SH3GL2: variants seen among roughly 807,000 people sequenced by gnomAD.
SH3GL2 encodes the protein SH3 domain containing GRB2 like 2, endophilin A1.
SH3GL2 carries 24 observed loss-of-function variants against 46.0 expected under a neutral mutation model. The observed-to-expected ratio is 0.52, with a 90% CI of 0.38 to 0.73. The LOEUF (loss-of-function observed/expected upper bound fraction) is 0.73, where lower values mean the gene tolerates loss of function less well. Ranked by LOEUF, SH3GL2 falls within the 30% of genes least tolerant of loss-of-function variation. SH3GL2 has a pLI of 0.00. For missense variants in SH3GL2, 413 were observed against 424.2 expected (o/e 0.97, Z 0.23); for synonymous variants, 196 against 147.1 (o/e 1.33, Z -2.40).
At chr9:17,647,890 C>A (rs185746870) in intron 1 of SH3GL2, among the ~76,000 whole-genome samples, 118 of 152,250 alleles carry the variant, frequency 7.8e-4, no homozygotes, top group African/African-American at 2.7e-3. Context: ...ACCTCTGCCA[C>A]CCTTGAGACA....
At chr9:17,694,088 A>G (rs1164676523) in intron 1 of SH3GL2, among the ~76,000 whole-genome samples, 3 of 150,920 alleles carry the variant, frequency 2.0e-5, no homozygotes, top group Admixed American at 6.6e-5. Context: ...ATTCAGAAAG[A>G]AAAAATCCTG....
intron 1 of SH3GL2, among the ~76,000 whole-genome samples, chr9:17,743,805 G>A (rs867558626): frequency 1.3e-5 from 2 of 152,212 alleles, no homozygotes; most frequent in Non-Finnish European, 2.9e-5. Context: ...AAAGTGTGAT[G>A]TAGGCCCTTG....
intron 1 of SH3GL2, among the ~76,000 whole-genome samples, chr9:17,635,654 T>A (rs1819526442): frequency 6.6e-6 from 1 of 152,222 alleles, no homozygotes; most frequent in African/African-American, 2.4e-5. Context: ...CTGAAAGTCA[T>A]GTGCCTGCTG....
intron 2 of SH3GL2, among the ~76,000 whole-genome samples, chr9:17,749,634 A>G (rs548709274): frequency 4.6e-5 from 7 of 152,366 alleles, no homozygotes; most frequent in African/African-American, 1.7e-4. Context: ...AAGTGAGACA[A>G]GCTAACTTCC....
intron 1 of SH3GL2, among the ~76,000 whole-genome samples, chr9:17,739,008 T>C (rs2383045): frequency 0.95 from 144,233 of 152,202 alleles, 68,427 homozygotes; most frequent in East Asian, 0.99. Context: ...TGCAACTCAC[T>C]GTCACAGAAA....
chr9:17,579,207 T>C lies in SH3GL2; in HGVS notation c.-36T>C. On this transcript the variant is annotated 5_prime_UTR_variant, in exon 1 of 9. Transcript: ENST00000380607. ...CTCCAGTCCCCCTCCGCCTCCTCCCTCCCGCACAGCAGCCGCCAGCGCGGC... is the reference window on the plus strand; with the variant it reads ...CTCCAGTCCCCCTCCGCCTCCTCCCCCCCGCACAGCAGCCGCCAGCGCGGC... 6.6e-7 allele frequency: 1 copy of C among 1,509,062 alleles called. No homozygotes were observed. Among genetic ancestry groups the C allele is most frequent in the South Asian group, 1.2e-5 (1 of 82,030 alleles). The allele number at this position is 1,509,062 out of a possible 1,614,324, so 93.5% of individuals were successfully genotyped here.
chr9:17,609,898 C>A (rs1458015476), intron 1 of SH3GL2, among the ~76,000 whole-genome samples: 1 of 152,184 alleles, frequency 6.6e-6, no homozygotes, highest in Non-Finnish European at 1.5e-5. Context: ...CTCTCATAAT[C>A]ATTTTGCCAC....
At chr9:17,766,102 C>G (rs376210864) in intron 3 of SH3GL2, among the ~76,000 whole-genome samples, 18 of 152,208 alleles carry the variant, frequency 1.2e-4, no homozygotes, top group African/African-American at 3.6e-4. Flanking sequence ...GGCTTGTCCT[C>G]TGGAACCTCA....
At chr9:17,629,050 C>A (rs922323815) in intron 1 of SH3GL2, among the ~76,000 whole-genome samples, 2 of 151,364 alleles carry the variant, frequency 1.3e-5, no homozygotes, top group African/African-American at 4.9e-5. Context: ...CAAGATGTGG[C>A]CTTTGAAGAG....
At chr9:17,635,788 A>C (rs1819528750) in intron 1 of SH3GL2, among the ~76,000 whole-genome samples, 1 of 152,210 alleles carries the variant, frequency 6.6e-6, no homozygotes, top group South Asian at 2.1e-4. Context: ...GAGAAAAATG[A>C]GTGGACATCC....
rs534546006 is a variant in SH3GL2 at position 17,795,324 on chromosome 9, C to T, written c.860-220C>T. Among the ~76,000 whole-genome samples, 3 of 152,262 alleles carry T rather than the reference C, an allele frequency of 2.0e-5. No homozygotes were observed. The South Asian group carries it at 6.2e-4, about 32-fold the overall frequency. On this transcript the variant is annotated intron_variant, in intron 8 of 8. Transcript: ENST00000380607. ...CAGAAACAGGAATATGCAGCAACTT[C>T]CAAAGGTCCGAGAAAGCTTCTGAGG... is the stretch of plus-strand genomic sequence containing the variant.
intron 1 of SH3GL2, among the ~76,000 whole-genome samples, chr9:17,738,641 T>TATATATAGAGAGAGAGAGAGAGAGAGAG (rs376280314): frequency 3.4e-5 from 3 of 88,898 alleles, no homozygotes; most frequent in Admixed American, 2.5e-4. Context: ...TATATATATA[T>TATATATAGAGAGAGAGAGAGAGAGAGAG]AGAGAGAGAG....
At chr9:17,687,780 A>G (rs1426974492) in intron 1 of SH3GL2, among the ~76,000 whole-genome samples, 1 of 152,076 alleles carries the variant, frequency 6.6e-6, no homozygotes, top group Non-Finnish European at 1.5e-5. Context: ...CCAGAGAGAA[A>G]CAATGATGGA....
At chr9:17,754,802 A>G (rs1334450542) in intron 2 of SH3GL2, among the ~76,000 whole-genome samples, 2 of 152,176 alleles carry the variant, frequency 1.3e-5, no homozygotes, top group South Asian at 2.1e-4. Flanking sequence ...TTCTTGGTGT[A>G]TAGGAATGCT....
chr9:17,707,086 A>C (rs1166444891), intron 1 of SH3GL2, among the ~76,000 whole-genome samples: 2 of 152,090 alleles, frequency 1.3e-5, no homozygotes, highest in Non-Finnish European at 2.9e-5. Flanking sequence ...TCAGGAGAGC[A>C]GCCTACAGTA....
chr9:17,584,459 T>C (rs7028060), intron 1 of SH3GL2, among the ~76,000 whole-genome samples: 114,871 of 152,170 alleles, frequency 0.75, 44,415 homozygotes, highest in African/African-American at 0.92. Context: ...GTCAAGATGG[T>C]GCCACTGCAC....
intron 1 of SH3GL2, among the ~76,000 whole-genome samples, chr9:17,683,958 C>T (rs763015382): frequency 2.6e-5 from 4 of 152,150 alleles, no homozygotes; most frequent in East Asian, 1.9e-4. Flanking sequence ...TAGCAGGATG[C>T]GAGACATGTT....
In SH3GL2 at chr9:17,733,415, A is replaced by G. The variant is rs559935184; in HGVS notation, c.46-13651A>G. 1.3e-4 allele frequency among the ~76,000 whole-genome samples: 20 copies of G among 152,074 alleles called. 1 individual carries two copies. The South Asian group carries it at 3.5e-3, about 27-fold the overall frequency. On this transcript the variant is annotated intron_variant, in intron 1 of 8. Transcript: ENST00000380607. ...AGCATTAGGTATATCTCCCAATGCT[A>G]TCCCTACCCATCTCACACCAGTTAG...
intron 2 of SH3GL2, among the ~76,000 whole-genome samples, chr9:17,759,441 G>A (rs1237954916): frequency 6.6e-6 from 1 of 152,166 alleles, no homozygotes; most frequent in East Asian, 1.9e-4. Flanking sequence ...TTCAGATTGG[G>A]AGATGCCTCT....
Sources: gnomAD v4.1 joint callset for allele counts (sites outside exome capture counted in the v4.1 genomes callset) on GRCh38, gnomAD v4.1.1 for gene constraint, MANE v1.5 for transcripts, NCBI Gene and HGNC (gene_info 2026-07-23, HGNC 2026-07-21) for gene names.